Variants in C10orf53 observed in about 807,000 individuals in gnomAD.
The protein encoded by C10orf53 is UPF0728 protein C10orf53.
C10orf53 carries 8 observed loss-of-function variants against 9.4 expected under a neutral mutation model. That is an observed-to-expected ratio of 0.85 (90% CI 0.50 to 1.53). The LOEUF (loss-of-function observed/expected upper bound fraction) is 1.53, where lower values mean the gene tolerates loss of function less well. Ranked by LOEUF, C10orf53 falls within the 40% of genes most tolerant of loss-of-function variation. The probability of loss-of-function intolerance (pLI) is 0.00; values close to 1 mark genes in which losing one functional copy is unlikely to be tolerated. For synonymous variants in C10orf53, 48 were observed against 46.0 expected (o/e 1.04, Z -0.18); for missense variants, 117 against 117.8 (o/e 0.99, Z 0.03).
At chr10:49,684,447 T>A (rs1840508031) in intron 1 of C10orf53, among the ~76,000 whole-genome samples, 1 of 152,252 alleles carries the variant, frequency 6.6e-6, no homozygotes, top group Admixed American at 6.5e-5. Context: ...ATCCTTTGGG[T>A]AGTATTGTTA....
chr10:49,687,059 T>C (rs1431740986), intron 1 of C10orf53, among the ~76,000 whole-genome samples: 1 of 152,252 alleles, frequency 6.6e-6, no homozygotes, highest in East Asian at 1.9e-4. Flanking sequence ...TTTGATTCAG[T>C]ATTCACTTGG....
Position 49,696,011 on chromosome 10 carries a change from G to A in C10orf53, c.*1409G>A, listed in dbSNP as rs1034501652. ...CATTAAAGAAAAATGGAAAAATACA[G>A]GTAAAAATAAAGTACAACTTTAGTA... On this transcript the variant is annotated 3_prime_UTR_variant, in exon 3 of 3. Transcript: ENST00000374111. The A allele has an allele frequency of 1.3e-5, 2 of 151,976 alleles. No individual in the cohort carries two copies. Among genetic ancestry groups the A allele is most frequent in the Non-Finnish European group, 2.9e-5 (2 of 67,998 alleles). 9.4% of individuals were successfully genotyped at this position (151,976 alleles called of 1,614,324 possible).
At position 49,692,458 on chromosome 10, in the gene C10orf53, C is replaced by T. The variant is rs181522688; in HGVS notation, c.98-1316C>T. Among the ~76,000 whole-genome samples, 3 of 152,346 alleles carry T rather than the reference C, an allele frequency of 2.0e-5. No homozygotes were observed. In the East Asian group the frequency reaches 5.8e-4, roughly 29 times the overall value. On this transcript the variant is annotated intron_variant, in intron 1 of 2. Transcript: ENST00000374111. ...AAAGATGAAGAAGTGGACACACCAA[C>T]ATTTTGAAACAGCAATTGTCTCTGT...
At chr10:49,680,740 A>G (rs987638313) in intron 1 of C10orf53, among the ~76,000 whole-genome samples, 1 of 152,210 alleles carries the variant, frequency 6.6e-6, no homozygotes, top group Admixed American at 6.5e-5. Context: ...AAAGGAGACC[A>G]TGGATCAAAG....
intron 1 of C10orf53, among the ~76,000 whole-genome samples, chr10:49,691,824 A>G (rs1024382135): frequency 1.3e-5 from 2 of 152,160 alleles, no homozygotes; most frequent in Non-Finnish European, 2.9e-5. Flanking sequence ...CTCCTTGCCC[A>G]CAGTCCATGC....
intron 1 of C10orf53, among the ~76,000 whole-genome samples, chr10:49,680,852 A>G (rs1840472510): frequency 6.6e-6 from 1 of 152,226 alleles, no homozygotes; most frequent in Non-Finnish European, 1.5e-5. Context: ...GTGCTGATGG[A>G]TGGATGTACT....
chr10:49,703,120 A>G (rs538740312), intron 2 of C10orf53, among the ~76,000 whole-genome samples: 1 of 152,274 alleles, frequency 6.6e-6, no homozygotes, highest in South Asian at 2.1e-4. Context: ...GTCAAGCTCA[A>G]CAAGGTCTTC....
At position 49,695,846 on chromosome 10, in the gene C10orf53, A is replaced by G. The variant is rs1361121583; in HGVS notation, c.*1244A>G. On this transcript the variant is annotated 3_prime_UTR_variant, in exon 3 of 3. Coordinates refer to ENST00000374111, the MANE Select transcript of C10orf53 (RefSeq NM_001042427.3). ...AGGCTCAAAAGAGATTCTTCCTCCC[A>G]GTGTCTGGTGCTGGTTTTCACATAT... 1 of 152,166 alleles carries G rather than the reference A, an allele frequency of 6.6e-6. No individual in the cohort carries two copies. Among genetic ancestry groups the G allele is most frequent in the African/African-American group, 2.4e-5 (1 of 41,422 alleles). The allele number at this position is 152,166 out of a possible 1,614,324, so 9.4% of individuals were successfully genotyped here.
chr10:49,679,820 CT>C, intron 1 of C10orf53, 26 bp downstream of exon 1: 1 of 1,518,724 alleles, frequency 6.6e-7, no homozygotes, highest in Non-Finnish European at 8.8e-7. Flanking sequence ...GCGTGCGCCC[CT>C]GAGGGCCCCA....
intron 1 of C10orf53, among the ~76,000 whole-genome samples, chr10:49,687,720 G>A (rs190787138): frequency 5.8e-4 from 89 of 152,340 alleles, no homozygotes; most frequent in African/African-American, 2.0e-3. Flanking sequence ...GGCTCATTGC[G>A]AAGGGGAGGT....
chr10:49,695,693 A>G lies in C10orf53; in HGVS notation c.*1091A>G, dbSNP rs536994515. The G allele has an allele frequency of 8.5e-5, 13 of 152,408 alleles. No homozygotes were observed. The East Asian group carries it at 2.1e-3, about 25-fold the overall frequency. The allele number at this position is 152,408 out of a possible 1,614,324, so 9.4% of individuals were successfully genotyped here. On this transcript the variant is annotated 3_prime_UTR_variant, in exon 3 of 3. Transcript: ENST00000374111. Reference sequence around the variant, plus strand: ...ACTGCTTGCACAAGTTCCTTCTCACACAGGACAAAGTAGGGGATATAATTT... The same window carrying G: ...ACTGCTTGCACAAGTTCCTTCTCACGCAGGACAAAGTAGGGGATATAATTT...
chr10:49,691,474 G>A lies in C10orf53; in HGVS notation c.98-2300G>A, dbSNP rs531006319. Among the ~76,000 whole-genome samples, 3 of 152,344 alleles carry A rather than the reference G, an allele frequency of 2.0e-5. No homozygotes were observed. In the South Asian group the frequency reaches 6.2e-4, roughly 32 times the overall value. ...GCACTTGGAGATAATTCTGGTCAGT[G>A]AGGAAGACACATGCCCTTTAAGAGC... On this transcript the variant is annotated intron_variant, in intron 1 of 2. Transcript: ENST00000374111.
At chr10:49,688,374 C>G (rs1174809597) in intron 1 of C10orf53, among the ~76,000 whole-genome samples, 1 of 152,042 alleles carries the variant, frequency 6.6e-6, no homozygotes, top group Non-Finnish European at 1.5e-5. Flanking sequence ...CTGACTACCC[C>G]CTCTGCATTT....
chr10:49,694,816 A>G lies in C10orf53; in HGVS notation c.*214A>G, dbSNP rs1840619789. 2 of 1,379,886 alleles carry G rather than the reference A, an allele frequency of 1.4e-6. No individual in the cohort carries two copies. Among genetic ancestry groups the G allele is most frequent in the East Asian group, 2.6e-5 (1 of 38,096 alleles). The allele number at this position is 1,379,886 out of a possible 1,614,324, so 85.5% of individuals were successfully genotyped here. A position where few individuals can be genotyped will look rare whatever the true frequency, so the allele number is the denominator to read the frequency against. On this transcript the variant is annotated 3_prime_UTR_variant, in exon 3 of 3. Coordinates refer to ENST00000374111, the MANE Select transcript of C10orf53 (RefSeq NM_001042427.3). Reference sequence around the variant, plus strand: ...AATAATAAAAACCACATCATTTATAACATGTCTCAATCTCAACCCATAGGG... The same window carrying G: ...AATAATAAAAACCACATCATTTATAGCATGTCTCAATCTCAACCCATAGGG...
chr10:49,702,771 G>A (rs188945976), intron 2 of C10orf53, among the ~76,000 whole-genome samples: 107 of 152,238 alleles, frequency 7.0e-4, no homozygotes, highest in African/African-American at 2.3e-3. Flanking sequence ...TATTGGTTCT[G>A]TTTCTCTGGC....
intron 2 of C10orf53, among the ~76,000 whole-genome samples, chr10:49,704,067 T>G (rs186090400): frequency 7.0e-4 from 107 of 152,294 alleles, no homozygotes; most frequent in Non-Finnish European, 1.3e-3. Context: ...AGCAAATACT[T>G]AAATGTAATA....
At chr10:49,692,824 G>T (rs920053956) in intron 1 of C10orf53, among the ~76,000 whole-genome samples, 3 of 152,144 alleles carry the variant, frequency 2.0e-5, no homozygotes, top group African/African-American at 7.2e-5. Context: ...TCTGGGGAAG[G>T]AGCCATTGAA....
At chr10:49,704,201 T>C (rs1420359382) in intron 2 of C10orf53, among the ~76,000 whole-genome samples, 1 of 152,156 alleles carries the variant, frequency 6.6e-6, no homozygotes, top group African/African-American at 2.4e-5. Flanking sequence ...AGAAGAAAAG[T>C]GGTTTTGTGT....
In C10orf53 at chr10:49,682,465, G is replaced by C. The variant is rs111963159; in HGVS notation, c.97+2671G>C. Among the ~76,000 whole-genome samples the C allele has an allele frequency of 5.3e-3, 811 of 152,306 alleles. 15 individuals are homozygous for C. The highest frequency in any genetic ancestry group is 0.019 in the African/African-American group (774 of 41,548). The stretch of plus-strand genomic sequence containing the variant: ...GAGTGTTACAGCTCTTAAAGGTGGT[G>C]CAGACCCAAAGTGAGCAGCAGCAAG... On this transcript the variant is annotated intron_variant, in intron 1 of 2. Transcript: ENST00000374111.
Sources: allele counts gnomAD v4.1 joint callset (sites outside exome capture counted in the v4.1 genomes callset), GRCh38; gene constraint gnomAD v4.1.1; transcripts MANE v1.5; gene names NCBI Gene and HGNC (gene_info 2026-07-23, HGNC 2026-07-21).